The following CACNA2D3 variants were observed in gnomAD, a reference collection of about 807,000 sequenced individuals.
The protein encoded by CACNA2D3 is calcium voltage-gated channel auxiliary subunit alpha2delta 3.
In CACNA2D3, 60 loss-of-function variants were observed where a neutral mutation model predicts 160.6. That is an observed-to-expected ratio of 0.37 (90% CI 0.30 to 0.46). The LOEUF (loss-of-function observed/expected upper bound fraction) is 0.46. Ranked by LOEUF, CACNA2D3 falls within the 20% of genes least tolerant of loss-of-function variation. The pLI is 1.00. For missense variants in CACNA2D3, 1,205 were observed against 1,365.0 expected (o/e 0.88, Z 1.85); for synonymous variants, 558 against 492.9 (o/e 1.13, Z -1.75).
chr3:54,730,281 C>A (rs1701361941), intron 11 of CACNA2D3, among the ~76,000 whole-genome samples: 2 of 152,084 alleles, frequency 1.3e-5, no homozygotes, highest in Non-Finnish European at 2.9e-5. Flanking sequence ...CCTGGTGGCA[C>A]CCATATCCAT....
At chr3:54,983,224 G>C (rs1358344201) in intron 29 of CACNA2D3, among the ~76,000 whole-genome samples, 1 of 152,228 alleles carries the variant, frequency 6.6e-6, no homozygotes, top group African/African-American at 2.4e-5. Flanking sequence ...ATGTCCAAAA[G>C]TGTAGTCACT....
At chr3:54,264,090 C>T (rs1225387213) in intron 2 of CACNA2D3, among the ~76,000 whole-genome samples, 1 of 152,080 alleles carries the variant, frequency 6.6e-6, no homozygotes, top group Non-Finnish European at 1.5e-5. Context: ...CACTTGCTGC[C>T]CAGCCACAAT....
chr3:54,241,117 G>A (rs1428936948), intron 2 of CACNA2D3, among the ~76,000 whole-genome samples: 3 of 152,132 alleles, frequency 2.0e-5, no homozygotes, highest in Non-Finnish European at 4.4e-5. Flanking sequence ...GTGGCAAATT[G>A]GCCCAATAGC....
intron 11 of CACNA2D3, among the ~76,000 whole-genome samples, chr3:54,646,597 A>G (rs965323888): frequency 1.3e-5 from 2 of 152,048 alleles, no homozygotes; most frequent in African/African-American, 4.8e-5. Flanking sequence ...TTATGGCTGC[A>G]CAGTGGTATA....
At chr3:54,585,505 A>C (rs1702745439) in intron 9 of CACNA2D3, among the ~76,000 whole-genome samples, 1 of 152,228 alleles carries the variant, frequency 6.6e-6, no homozygotes, top group Non-Finnish European at 1.5e-5. Flanking sequence ...CTTATGTATT[A>C]GTCTGCTCTC....
In CACNA2D3 at chr3:55,072,337, A is replaced by G. The variant is rs1575462812; in HGVS notation, c.2988-1108A>G. ...TCTCTCTGAGAGGCATTCATGGATCATTCTCATGGATCATTCAACATATGA... is the reference window on the plus strand; with the variant it reads ...TCTCTCTGAGAGGCATTCATGGATCGTTCTCATGGATCATTCAACATATGA... On this transcript the variant is annotated intron_variant, in intron 35 of 37. Transcript: ENST00000474759. Among the ~76,000 whole-genome samples, 3 of 148,092 alleles carry G rather than the reference A, an allele frequency of 2.0e-5. No individual in the cohort carries two copies. The Middle Eastern group carries it at 0.01, about 507-fold the overall frequency.
chr3:54,832,912 A>C (rs1703910688), intron 14 of CACNA2D3, among the ~76,000 whole-genome samples: 3 of 152,158 alleles, frequency 2.0e-5, no homozygotes, highest in African/African-American at 7.2e-5. Flanking sequence ...GATGGGTCAC[A>C]AGTCCTGTGT....
At chr3:54,146,085 C>CT (rs1347868891) in intron 2 of CACNA2D3, among the ~76,000 whole-genome samples, 3 of 152,026 alleles carry the variant, frequency 2.0e-5, no homozygotes, top group African/African-American at 7.2e-5. Flanking sequence ...TTAAATAGGT[C>CT]TTTTTTCCTG....
At chr3:55,052,366 G>A (rs979819980) in intron 35 of CACNA2D3, among the ~76,000 whole-genome samples, 5 of 151,498 alleles carry the variant, frequency 3.3e-5, no homozygotes, top group African/African-American at 1.2e-4. Context: ...ATCTAACTTT[G>A]TGAATATTCC....
chr3:54,942,087 C>T (rs180689108), intron 27 of CACNA2D3, among the ~76,000 whole-genome samples: 159 of 152,270 alleles, frequency 1.0e-3, no homozygotes, highest in African/African-American at 3.6e-3. Context: ...TAGGGTTTAC[C>T]AAGGAAGTGT....
At chr3:54,219,908 A>G (rs1701534747) in intron 2 of CACNA2D3, among the ~76,000 whole-genome samples, 2 of 152,220 alleles carry the variant, frequency 1.3e-5, no homozygotes, top group Non-Finnish European at 2.9e-5. Context: ...AATTAAAAAA[A>G]AACTACTATC....
In CACNA2D3 at chr3:55,073,872, A is replaced by C. The variant is rs1488557448; in HGVS notation, c.3183+13A>C. Reference sequence around the variant, plus strand: ...CTTCCATCCTGAGGTAAGTCTGAGAACTGTTCCTGTTTCCTTTTCCCATCA... The same window carrying C: ...CTTCCATCCTGAGGTAAGTCTGAGACCTGTTCCTGTTTCCTTTTCCCATCA... On this transcript the variant is annotated intron_variant, in intron 37 of 37. Coordinates refer to ENST00000474759, the MANE Select transcript of CACNA2D3 (RefSeq NM_018398.3). 3 of 1,606,528 alleles carry C rather than the reference A, an allele frequency of 1.9e-6. No individual in the cohort carries two copies. The Admixed American group carries it at 5.0e-5, about 27-fold the overall frequency.
chr3:54,237,639 T>C lies in CACNA2D3; in HGVS notation c.205-82803T>C, dbSNP rs76330145. ...AGACTTCATTTAATGTGCTCAAGTT[T>C]TTAATTGCCTTTTTTCTGCCTCTCA... On this transcript the variant is annotated intron_variant, in intron 2 of 37. Coordinates refer to ENST00000474759, the MANE Select transcript of CACNA2D3 (RefSeq NM_018398.3). Among the ~76,000 whole-genome samples the C allele has an allele frequency of 1.0e-2, 1,516 of 152,224 alleles. 13 individuals are homozygous for C. The highest frequency in any genetic ancestry group is 0.017 in the Non-Finnish European group (1,162 of 68,000).
At chr3:54,227,611 G>A (rs1158107432) in intron 2 of CACNA2D3, among the ~76,000 whole-genome samples, 1 of 152,112 alleles carries the variant, frequency 6.6e-6, no homozygotes, top group Non-Finnish European at 1.5e-5. Flanking sequence ...CTGGAGTGCA[G>A]TGGTATGATC....
intron 2 of CACNA2D3, among the ~76,000 whole-genome samples, chr3:54,271,306 C>T (rs532738731): frequency 6.6e-6 from 1 of 152,226 alleles, no homozygotes; most frequent in African/African-American, 2.4e-5. Context: ...CCTTGCTAAT[C>T]AACCATCCTC....
chr3:54,715,135 T>C (rs1701029266), intron 11 of CACNA2D3, among the ~76,000 whole-genome samples: 1 of 152,222 alleles, frequency 6.6e-6, no homozygotes, highest in Admixed American at 6.5e-5. Flanking sequence ...TCACCTATAC[T>C]TCTGATCGAC....
chr3:54,539,453 G>GGT (rs1417270638), intron 5 of CACNA2D3, among the ~76,000 whole-genome samples: 1 of 152,088 alleles, frequency 6.6e-6, no homozygotes, highest in Non-Finnish European at 1.5e-5. Context: ...ATTTTGAAGG[G>GGT]GTGTGTGTGT....
chr3:54,127,357 T>C (rs1330519228), intron 2 of CACNA2D3, among the ~76,000 whole-genome samples: 1 of 152,216 alleles, frequency 6.6e-6, no homozygotes, highest in African/African-American at 2.4e-5. Flanking sequence ...AGCCTTAATA[T>C]ATAAAGTTGA....
chr3:54,358,472 C>T (rs779715089), intron 3 of CACNA2D3, among the ~76,000 whole-genome samples: 3 of 152,186 alleles, frequency 2.0e-5, no homozygotes, highest in Non-Finnish European at 4.4e-5. Flanking sequence ...GGCCACTCGA[C>T]GTCTCCATGC....
Sources: gnomAD v4.1 joint callset for allele counts (sites outside exome capture counted in the v4.1 genomes callset) on GRCh38, gnomAD v4.1.1 for gene constraint, MANE v1.5 for transcripts, NCBI Gene and HGNC (gene_info 2026-07-23, HGNC 2026-07-21) for gene names.